The following TACR3 variants were observed in gnomAD, a reference collection of about 807,000 sequenced individuals.
The protein encoded by TACR3 is tachykinin receptor 3.
In TACR3, 34 loss-of-function variants were observed where a neutral mutation model predicts 35.0. The observed-to-expected ratio is 0.97, with a 90% CI of 0.74 to 1.30. The LOEUF is 1.30. Among genes scored for constraint, TACR3 ranks in the 50% most tolerant of loss-of-function variants. The pLI is 0.00. For missense variants in TACR3, 558 were observed against 591.7 expected (o/e 0.94, Z 0.59); for synonymous variants, 233 against 221.1 (o/e 1.05, Z -0.48).
chr4:103,641,702 A>G (rs1725359744), intron 3 of TACR3, among the ~76,000 whole-genome samples: 1 of 152,016 alleles, frequency 6.6e-6, no homozygotes, highest in Non-Finnish European at 1.5e-5. Context: ...ATTATTCACA[A>G]TAGCCAAGAT....
At chr4:103,684,308 A>G (rs1479879810) in intron 1 of TACR3, among the ~76,000 whole-genome samples, 1 of 152,168 alleles carries the variant, frequency 6.6e-6, no homozygotes, top group Non-Finnish European at 1.5e-5. Flanking sequence ...GTCTATGTAG[A>G]TGATCCCAAT....
chr4:103,650,094 G>C (rs1725555312), intron 3 of TACR3, among the ~76,000 whole-genome samples: 2 of 152,098 alleles, frequency 1.3e-5, no homozygotes, highest in Non-Finnish European at 2.9e-5. Flanking sequence ...GACTCACAGA[G>C]ATACTGCCTT....
chr4:103,668,333 C>G (rs190738723), intron 1 of TACR3, among the ~76,000 whole-genome samples: 1 of 152,098 alleles, frequency 6.6e-6, no homozygotes. Flanking sequence ...ATGTACATAG[C>G]TTAATTAAAA....
chr4:103,658,486 G>A (rs142881213), intron 1 of TACR3, 83 bp from the exon 2 acceptor site: 24 of 1,295,224 alleles, frequency 1.9e-5, no homozygotes, highest in African/African-American at 2.9e-5. Context: ...TTTCAAAGGC[G>A]TTTCAATAGT....
At chr4:103,689,379 A>G (rs1208902834) in intron 1 of TACR3, among the ~76,000 whole-genome samples, 2 of 152,130 alleles carry the variant, frequency 1.3e-5, no homozygotes, top group Non-Finnish European at 2.9e-5. Context: ...GTGCACATGT[A>G]CCCTAAAACT....
intron 3 of TACR3, among the ~76,000 whole-genome samples, chr4:103,626,015 A>G (rs573098584): frequency 6.6e-6 from 1 of 152,308 alleles, no homozygotes; most frequent in East Asian, 1.9e-4. Context: ...AAATCAACCC[A>G]GCCTACATTT....
chr4:103,631,731 T>A (rs1360409354), intron 3 of TACR3, among the ~76,000 whole-genome samples: 1 of 152,182 alleles, frequency 6.6e-6, no homozygotes, highest in Non-Finnish European at 1.5e-5. Flanking sequence ...ATCACATGAC[T>A]GTAGATTCTC....
intron 3 of TACR3, among the ~76,000 whole-genome samples, chr4:103,606,757 T>C (rs1210098926): frequency 6.6e-6 from 1 of 152,156 alleles, no homozygotes; most frequent in Non-Finnish European, 1.5e-5. Flanking sequence ...TACAATCATG[T>C]CATCTGCAAA....
intron 1 of TACR3, among the ~76,000 whole-genome samples, chr4:103,707,272 T>G (rs1722816321): frequency 6.6e-6 from 1 of 151,734 alleles, no homozygotes; most frequent in Non-Finnish European, 1.5e-5. Flanking sequence ...TTTTACATAC[T>G]TTTTTGTATA....
chr4:103,666,174 A>T (rs1725931946), intron 1 of TACR3, among the ~76,000 whole-genome samples: 1 of 152,238 alleles, frequency 6.6e-6, no homozygotes, highest in Admixed American at 6.5e-5. Context: ...ATGTACAAGT[A>T]ATTATGAAGC....
intron 3 of TACR3, among the ~76,000 whole-genome samples, chr4:103,626,872 G>A (rs1436831491): frequency 2.0e-5 from 3 of 151,912 alleles, no homozygotes; most frequent in Non-Finnish European, 4.4e-5. Flanking sequence ...AGGTCCCTAT[G>A]TATTGTTTTA....
intron 3 of TACR3, among the ~76,000 whole-genome samples, chr4:103,615,139 G>A (rs1260150833): frequency 6.6e-6 from 1 of 151,764 alleles, no homozygotes; most frequent in African/African-American, 2.4e-5. Flanking sequence ...CTCGTGATCC[G>A]CCCACCTCGG....
At chr4:103,617,272 C>G (rs1196022511) in intron 3 of TACR3, among the ~76,000 whole-genome samples, 1 of 151,732 alleles carries the variant, frequency 6.6e-6, no homozygotes, top group Non-Finnish European at 1.5e-5. Flanking sequence ...GTTAAAAAAT[C>G]GAGAATTTCA....
intron 3 of TACR3, among the ~76,000 whole-genome samples, chr4:103,593,938 C>T (rs192812722): frequency 1.4e-3 from 208 of 152,188 alleles, no homozygotes; most frequent in African/African-American, 4.7e-3. Context: ...GGCACCTAGA[C>T]TGGACTTCAT....
intron 1 of TACR3, among the ~76,000 whole-genome samples, chr4:103,710,653 G>T (rs1028777907): frequency 6.6e-5 from 10 of 152,052 alleles, no homozygotes; most frequent in African/African-American, 2.2e-4. Context: ...GAGCAGAACT[G>T]AAGGAGATAG....
At chr4:103,614,516 C>A (rs1425130828) in intron 3 of TACR3, among the ~76,000 whole-genome samples, 1 of 152,144 alleles carries the variant, frequency 6.6e-6, no homozygotes, top group African/African-American at 2.4e-5. Context: ...ACAGTCAAAC[C>A]TTTCAGTCTT....
Position 103,719,137 on chromosome 4 carries a change from G to T in TACR3, c.539C>A (p.Ala180Glu), listed in dbSNP as rs775705606. The change falls in exon 1 of 5, where the codon GCG becomes GAG. Residue 180 changes from alanine (A) to glutamate (E), a missense_variant. Physicochemically the swap from Ala to Glu is moderately radical, Grantham distance 107. Transcript: ENST00000304883. ...TCTGTCCTCTCCTCACCTGTCCACCGCAATGGCCGTCATGGAGTAGATGCT... is the reference window on the plus strand; with the variant it reads ...TCTGTCCTCTCCTCACCTGTCCACCTCAATGGCCGTCATGGAGTAGATGCT... The part of the protein sequence containing the change: ...FASIYSMTAI[A>E]VDRYMAIIDP... 1.9e-6 allele frequency: 3 copies of T among 1,613,890 alleles called. No homozygotes were observed. The highest frequency in any genetic ancestry group is 2.5e-6 in the Non-Finnish European group (3 of 1,180,034).
At chr4:103,655,125 A>G (rs1372720096) in intron 3 of TACR3, among the ~76,000 whole-genome samples, 1 of 152,214 alleles carries the variant, frequency 6.6e-6, no homozygotes, top group Admixed American at 6.6e-5. Flanking sequence ...TTGTTTTCAA[A>G]TGCTAGAAAT....
At chr4:103,644,728 C>T (rs12644341) in intron 3 of TACR3, among the ~76,000 whole-genome samples, 54,956 of 151,278 alleles carry the variant, frequency 0.36, 10,620 homozygotes, top group African/African-American at 0.5. Flanking sequence ...AAGATGATAA[C>T]ATGCCTTTTT....
Sources: gnomAD v4.1 joint callset for allele counts (sites outside exome capture counted in the v4.1 genomes callset) on GRCh38, gnomAD v4.1.1 for gene constraint, MANE v1.5 for transcripts, NCBI Gene and HGNC (gene_info 2026-07-23, HGNC 2026-07-21) for gene names.